The following PDZD2 variants were observed in gnomAD, a reference collection of about 807,000 sequenced individuals.
The protein encoded by PDZD2 is PDZ domain containing 2, also known as PDZ domain-containing protein 2.
PDZD2 carries 90 observed loss-of-function variants against 220.7 expected under a neutral mutation model. The ratio of observed to expected loss-of-function variants is 0.41; its 90% CI spans 0.34 to 0.49. The LOEUF (loss-of-function observed/expected upper bound fraction) is 0.49. Among genes scored for constraint, PDZD2 ranks in the 20% least tolerant of loss-of-function variants. The pLI is 0.28. For synonymous variants in PDZD2, 1,375 were observed against 1,450.5 expected (o/e 0.95, Z 1.18); for missense variants, 3,174 against 3,608.5 (o/e 0.88, Z 3.08).
chr5:32,074,067 G>A lies in PDZD2; in HGVS notation c.2961G>A (p.Gly987=), dbSNP rs79901850. ...AAGGGGACTGCATTTCACTCCCAGG[G>A]GCCCTCCCGGGTCCCATCAGGCCTC... ...DREGDCISLP[G]ALPGPIRPLS... Residue 987 remains glycine, a synonymous_variant, in exon 18 of 25, where the codon GGG becomes GGA. Coordinates refer to ENST00000438447, the MANE Select transcript of PDZD2 (RefSeq NM_178140.4). 0.035 allele frequency: 56,088 copies of A among 1,614,026 alleles called. 1,139 individuals are homozygous for A. Among genetic ancestry groups the A allele is most frequent in the Non-Finnish European group, 0.042 (49,567 of 1,179,906 alleles).
chr5:31,936,075 G>C (rs1745699368), intron 2 of PDZD2: 1 of 987,262 alleles, frequency 1.0e-6, no homozygotes, highest in Admixed American at 6.1e-5. Context: ...AATGATCTGA[G>C]TGCTGTGGGT....
At chr5:31,651,459 C>A (rs1745345820) in intron 1 of PDZD2, among the ~76,000 whole-genome samples, 1 of 152,142 alleles carries the variant, frequency 6.6e-6, no homozygotes, top group East Asian at 1.9e-4. Flanking sequence ...TGCTAACATG[C>A]AGGTGGGTAG....
intron 6 of PDZD2, among the ~76,000 whole-genome samples, chr5:32,025,695 G>A (rs190220482): frequency 2.8e-4 from 37 of 131,698 alleles, no homozygotes; most frequent in South Asian, 1.0e-3. Context: ...TCCACCTCCC[G>A]TTTCAAGTGA....
intron 2 of PDZD2, among the ~76,000 whole-genome samples, chr5:31,911,767 G>A (rs1030426458): frequency 3.9e-5 from 6 of 152,162 alleles, no homozygotes; most frequent in African/African-American, 1.4e-4. Flanking sequence ...TGCCTCCGCT[G>A]GCTGCTGAGT....
At chr5:31,841,993 A>G (rs1397331051) in intron 2 of PDZD2, among the ~76,000 whole-genome samples, 1 of 152,082 alleles carries the variant, frequency 6.6e-6, no homozygotes, top group Non-Finnish European at 1.5e-5. Context: ...AATAATACCT[A>G]ACTCCTAAGG....
intron 2 of PDZD2, among the ~76,000 whole-genome samples, chr5:31,860,969 A>C (rs562574948): frequency 1.6e-4 from 24 of 152,282 alleles, no homozygotes; most frequent in African/African-American, 5.1e-4. Flanking sequence ...TTCAGGTCAC[A>C]TATCTCCATT....
chr5:31,791,587 T>G lies in PDZD2; in HGVS notation c.-360-7302T>G, dbSNP rs1419950247. Among the ~76,000 whole-genome samples the G allele has an allele frequency of 9.0e-5, 6 of 66,746 alleles. No homozygotes were observed. In the Admixed American group the frequency reaches 1.1e-3, roughly 13 times the overall value. 43.8% of individuals were successfully genotyped at this position (66,746 alleles called of 152,430 possible). The stretch of plus-strand genomic sequence containing the variant: ...CCTGGGCAACAAGAGAGAAACTCCG[T>G]CTCAAAAAAAAAAAAAAAAAAAAAA... On this transcript the variant is annotated intron_variant, in intron 1 of 24. Transcript: ENST00000438447.
chr5:32,038,053 A>G (rs2112226989), intron 7 of PDZD2, among the ~76,000 whole-genome samples: 1 of 150,074 alleles, frequency 6.7e-6, no homozygotes, highest in African/African-American at 2.4e-5. Flanking sequence ...CATGTTGGCC[A>G]GGCTGGTCTT....
intron 1 of PDZD2, among the ~76,000 whole-genome samples, chr5:31,729,724 T>A (rs1055777847): frequency 2.0e-5 from 3 of 152,254 alleles, no homozygotes; most frequent in African/African-American, 7.2e-5. Flanking sequence ...ACATGACTTT[T>A]CTACCCAAAG....
chr5:31,784,539 T>C (rs1753260645), intron 1 of PDZD2, among the ~76,000 whole-genome samples: 1 of 152,076 alleles, frequency 6.6e-6, no homozygotes. Flanking sequence ...TAATGTGCAC[T>C]TTGGAGAAAG....
chr5:31,674,566 G>A (rs907881594), intron 1 of PDZD2, among the ~76,000 whole-genome samples: 4 of 152,188 alleles, frequency 2.6e-5, no homozygotes, highest in African/African-American at 7.2e-5. Flanking sequence ...CAGTGAAGGC[G>A]CAAGATGAGA....
intron 1 of PDZD2, among the ~76,000 whole-genome samples, chr5:31,664,665 T>C (rs1745913106): frequency 6.6e-6 from 1 of 152,124 alleles, no homozygotes; most frequent in South Asian, 2.1e-4. Flanking sequence ...ATGGGTGTCA[T>C]ACAGAGCCGA....
At chr5:31,771,441 A>C (rs1408183201) in intron 1 of PDZD2, among the ~76,000 whole-genome samples, 1 of 152,148 alleles carries the variant, frequency 6.6e-6, no homozygotes, top group African/African-American at 2.4e-5. Context: ...CGAAGTTTTC[A>C]GGGCCACCAA....
intron 1 of PDZD2, among the ~76,000 whole-genome samples, chr5:31,781,593 T>C (rs965001156): frequency 6.6e-6 from 1 of 152,214 alleles, no homozygotes; most frequent in African/African-American, 2.4e-5. Flanking sequence ...AATAAAGTCT[T>C]ACCCAGAAGC....
At chr5:31,665,644 T>TCCCCCC (rs5867091) in intron 1 of PDZD2, among the ~76,000 whole-genome samples, 79 of 119,100 alleles carry the variant, frequency 6.6e-4, no homozygotes, top group South Asian at 1.5e-3. Context: ...AAGTTCCCCC[T>TCCCCCC]CCCCCCCCTC....
rs116037485 is a variant in PDZD2 at position 31,766,991 on chromosome 5, G to A, written c.-360-31898G>A. Among the ~76,000 whole-genome samples, 878 of 148,684 alleles carry A rather than the reference G, an allele frequency of 5.9e-3. 9 individuals carry two copies. Among genetic ancestry groups the A allele is most frequent in the African/African-American group, 0.021 (825 of 39,936 alleles). On this transcript the variant is annotated intron_variant, in intron 1 of 24. Transcript: ENST00000438447. Reference sequence around the variant, plus strand: ...GATCCACCCACCTGCCTCCCAAAGTGCTGGGGGATTACAGGTGTGAGCAAC... The same window carrying A: ...GATCCACCCACCTGCCTCCCAAAGTACTGGGGGATTACAGGTGTGAGCAAC...
At position 31,865,300 on chromosome 5, in the gene PDZD2, T is replaced by G. The variant is rs189981673; in HGVS notation, c.476+65576T>G. Among the ~76,000 whole-genome samples, 228 of 152,110 alleles carry G rather than the reference T, an allele frequency of 1.5e-3. 1 individual carries two copies. Among genetic ancestry groups the G allele is most frequent in the African/African-American group, 4.9e-3 (205 of 41,514 alleles). On this transcript the variant is annotated intron_variant, in intron 2 of 24. Coordinates refer to ENST00000438447, the MANE Select transcript of PDZD2 (RefSeq NM_178140.4). ...AATTGGCAACTCTTTTTTGTTGTTG[T>G]TTTTGTTTTGTTTTGTTTTTGGCTT...
At chr5:31,904,837 T>C (rs1026485367) in intron 2 of PDZD2, among the ~76,000 whole-genome samples, 1 of 152,226 alleles carries the variant, frequency 6.6e-6, no homozygotes, top group Non-Finnish European at 1.5e-5. Flanking sequence ...CGAATAAGGC[T>C]GAGGTTATAA....
chr5:31,726,938 G>A (rs1352622381), intron 1 of PDZD2, among the ~76,000 whole-genome samples: 1 of 152,170 alleles, frequency 6.6e-6, no homozygotes, highest in East Asian at 1.9e-4. Context: ...CTCAGCTTCT[G>A]GGGGGCCTCA....
Sources: allele counts gnomAD v4.1 joint callset (sites outside exome capture counted in the v4.1 genomes callset), GRCh38; gene constraint gnomAD v4.1.1; transcripts MANE v1.5; gene names NCBI Gene and HGNC (gene_info 2026-07-23, HGNC 2026-07-21).